SMIM31: variants seen among roughly 807,000 people sequenced by gnomAD.
The protein encoded by SMIM31 is human epithelial cell program regulator.
intron 2 of SMIM31, among the ~76,000 whole-genome samples, chr4:164,800,419 G>A (rs761609161): frequency 1.3e-5 from 2 of 152,060 alleles, no homozygotes; most frequent in Non-Finnish European, 2.9e-5. Flanking sequence ...TGTTGGCCGG[G>A]CTGGTTTTGA....
rs1357825835 is a variant in SMIM31 at position 164,754,967 on chromosome 4, TA to T, written c.-26+560del. Among the ~76,000 whole-genome samples the T allele has an allele frequency of 7.9e-5, 12 of 151,692 alleles. No individual in the cohort carries two copies. The East Asian group carries it at 2.2e-3, about 28-fold the overall frequency. On this transcript the variant is annotated intron_variant, in intron 1 of 2. Transcript: ENST00000507311. Reference sequence around the variant, plus strand: ...TTTTCTATCATCAGATTTATGTTATTAAAAGCCTTTAGAAATACTCAGGAGG... The same window carrying T: ...TTTTCTATCATCAGATTTATGTTATTAAAGCCTTTAGAAATACTCAGGAGG...
At chr4:164,765,727 A>AG (rs1439115233) in intron 1 of SMIM31, among the ~76,000 whole-genome samples, 1 of 152,096 alleles carries the variant, frequency 6.6e-6, no homozygotes, top group Non-Finnish European at 1.5e-5. Context: ...TTTGAAGGCA[A>AG]GGGGGGAGTG....
chr4:164,792,579 T>C (rs565241176), intron 2 of SMIM31, among the ~76,000 whole-genome samples: 1 of 152,360 alleles, frequency 6.6e-6, no homozygotes, highest in African/African-American at 2.4e-5. Context: ...ACTGAATTTG[T>C]TTCAAAAGGT....
chr4:164,771,491 T>A (rs1732801059), intron 2 of SMIM31, among the ~76,000 whole-genome samples: 1 of 152,180 alleles, frequency 6.6e-6, no homozygotes, highest in Non-Finnish European at 1.5e-5. Context: ...GTTCTTTCCA[T>A]CTTCGACATA....
chr4:164,780,915 G>A (rs1392481789), intron 2 of SMIM31, among the ~76,000 whole-genome samples: 1 of 152,076 alleles, frequency 6.6e-6, no homozygotes, highest in Non-Finnish European at 1.5e-5. Flanking sequence ...GGCTAAAGCA[G>A]TCCTCTTATT....
chr4:164,755,052 C>T (rs998535570), intron 1 of SMIM31, among the ~76,000 whole-genome samples: 2 of 112,704 alleles, frequency 1.8e-5, no homozygotes, highest in African/African-American at 6.9e-5. Flanking sequence ...TATTTAACTA[C>T]ATCCCTTAAA....
chr4:164,793,379 CA>C (rs1407032968), intron 2 of SMIM31, among the ~76,000 whole-genome samples: 13 of 152,122 alleles, frequency 8.5e-5, no homozygotes, highest in African/African-American at 2.6e-4. Flanking sequence ...AATTATGAAA[CA>C]AAAAAACTAG....
chr4:164,795,770 T>C (rs1733182790), intron 2 of SMIM31, among the ~76,000 whole-genome samples: 1 of 152,180 alleles, frequency 6.6e-6, no homozygotes, highest in Admixed American at 6.5e-5. Flanking sequence ...GTATTAATTA[T>C]AATCAGTTAA....
intron 2 of SMIM31, among the ~76,000 whole-genome samples, chr4:164,790,180 A>G (rs191222175): frequency 6.6e-6 from 1 of 152,338 alleles, no homozygotes; most frequent in East Asian, 1.9e-4. Context: ...GCAAAATCCT[A>G]ACTTTAAAAA....
At chr4:164,770,062 G>T (rs920416596) in intron 1 of SMIM31, among the ~76,000 whole-genome samples, 1 of 152,154 alleles carries the variant, frequency 6.6e-6, no homozygotes, top group Admixed American at 6.5e-5. Flanking sequence ...GGAGGTAATA[G>T]CTCAAGCTTT....
At chr4:164,775,152 C>G (rs1296951115) in intron 2 of SMIM31, among the ~76,000 whole-genome samples, 1 of 152,188 alleles carries the variant, frequency 6.6e-6, no homozygotes, top group Admixed American at 6.5e-5. Context: ...TCTCCCCACT[C>G]TTATTTTCCA....
intron 2 of SMIM31, among the ~76,000 whole-genome samples, chr4:164,799,356 G>A (rs1367233236): frequency 6.6e-6 from 1 of 151,990 alleles, no homozygotes; most frequent in African/African-American, 2.4e-5. Context: ...CTGCACTCCA[G>A]CCTGGGCAAC....
intron 2 of SMIM31, among the ~76,000 whole-genome samples, chr4:164,788,872 A>G (rs935820641): frequency 2.0e-5 from 3 of 152,056 alleles, no homozygotes; most frequent in Non-Finnish European, 4.4e-5. Flanking sequence ...AATTTTAAAC[A>G]TTTTCAAATG....
At chr4:164,784,434 GAA>G (rs61055910) in intron 2 of SMIM31, among the ~76,000 whole-genome samples, 13,358 of 152,164 alleles carry the variant, frequency 0.088, 658 homozygotes, top group African/African-American at 0.14. Flanking sequence ...TCCTAATACA[GAA>G]AAAGTCATTT....
chr4:164,777,948 C>T (rs1732898299), intron 2 of SMIM31, among the ~76,000 whole-genome samples: 1 of 152,256 alleles, frequency 6.6e-6, no homozygotes, highest in African/African-American at 2.4e-5. Context: ...AAAGGCCCTA[C>T]AGCACTACAG....
chr4:164,775,017 G>C (rs934731538), intron 2 of SMIM31, among the ~76,000 whole-genome samples: 2 of 152,160 alleles, frequency 1.3e-5, no homozygotes, highest in African/African-American at 4.8e-5. Context: ...CCAGACATTT[G>C]GGTCTTTTCT....
chr4:164,768,427 C>CA (rs758951225), intron 1 of SMIM31, among the ~76,000 whole-genome samples: 1,673 of 94,628 alleles, frequency 0.018, 26 homozygotes, highest in African/African-American at 0.041. Context: ...CAGTACATCT[C>CA]AAAAAAAAAA....
At chr4:164,788,453 A>G (rs964966054) in intron 2 of SMIM31, among the ~76,000 whole-genome samples, 21 of 99,582 alleles carry the variant, frequency 2.1e-4, no homozygotes, top group Non-Finnish European at 4.0e-4. Context: ...ATCCGAATCT[A>G]TAAAATTTCT....
intron 1 of SMIM31, among the ~76,000 whole-genome samples, chr4:164,769,150 C>T (rs1732759924): frequency 6.6e-6 from 1 of 152,082 alleles, no homozygotes; most frequent in Non-Finnish European, 1.5e-5. Context: ...ATCCTTCCTG[C>T]TAAAATCCTG....
Sources: gnomAD v4.1 joint callset for allele counts (sites outside exome capture counted in the v4.1 genomes callset) on GRCh38, gnomAD v4.1.1 for gene constraint, MANE v1.5 for transcripts, NCBI Gene and HGNC (gene_info 2026-07-23, HGNC 2026-07-21) for gene names.